The following L3MBTL1 variants were observed in gnomAD, a reference collection of about 807,000 sequenced individuals.
The protein encoded by L3MBTL1 is lethal(3)malignant brain tumor-like protein 1.
In L3MBTL1, 75 loss-of-function variants were observed where a neutral mutation model predicts 105.3. The observed-to-expected ratio is 0.71, with a 90% CI of 0.59 to 0.86. The LOEUF (loss-of-function observed/expected upper bound fraction) is 0.86, where lower values mean the gene tolerates loss of function less well. Ranked by LOEUF, L3MBTL1 falls within the 40% of genes least tolerant of loss-of-function variation. The pLI, the probability that L3MBTL1 is intolerant of heterozygous loss-of-function variation, is 0.00. For missense variants in L3MBTL1, 1,069 were observed against 1,126.4 expected (o/e 0.95, Z 0.73); for synonymous variants, 452 against 436.2 (o/e 1.04, Z -0.45).
intron 9 of L3MBTL1, among the ~76,000 whole-genome samples, chr20:43,529,926 C>T (rs1365244392): frequency 2.0e-5 from 3 of 152,202 alleles, no homozygotes; most frequent in South Asian, 4.1e-4. Flanking sequence ...AGACTGGAAG[C>T]AGAGTGCGAG....
At chr20:43,542,157 C>T (rs898688005), downstream of L3MBTL1, among the ~76,000 whole-genome samples, 4 of 152,228 alleles carry the variant, frequency 2.6e-5, no homozygotes, top group Non-Finnish European at 5.9e-5. Context: ...TTGCAGTGAG[C>T]CGGGATTGCA....
In L3MBTL1 at chr20:43,514,688, G is replaced by T; in HGVS notation, c.414G>T (p.Pro138=). The change falls in exon 4 of 22, where the codon CCG becomes CCT. Residue 138 remains proline, a synonymous_variant. Transcript: ENST00000418998. ...PLNMAGVEQP[P]SPELRQEGVT... ...ACATGGCGGGAGTGGAGCAGCCCCC[G>T]AGCCCCGAGCTGCGGCAGGAAGGCG... is the stretch of plus-strand genomic sequence containing the variant. 1 of 1,587,594 alleles carries T rather than the reference G, an allele frequency of 6.3e-7. No homozygotes were observed. Among genetic ancestry groups the T allele is most frequent in the Non-Finnish European group, 8.6e-7 (1 of 1,167,284 alleles).
chr20:43,527,037 A>G (rs145906657), intron 7 of L3MBTL1, among the ~76,000 whole-genome samples: 207 of 152,316 alleles, frequency 1.4e-3, no homozygotes, highest in Non-Finnish European at 2.4e-3. Context: ...CCTGAGAGAC[A>G]GACCACTCCA....
downstream of L3MBTL1, among the ~76,000 whole-genome samples, chr20:43,543,269 G>C (rs1978343164): frequency 6.6e-6 from 1 of 152,170 alleles, no homozygotes; most frequent in Non-Finnish European, 1.5e-5. Flanking sequence ...TAAGCCTTCT[G>C]TGTCTTTGTC....
At chr20:43,529,448 A>C in intron 9 of L3MBTL1, 80 bp downstream of exon 9, 1 of 949,148 alleles carries the variant, frequency 1.1e-6, no homozygotes, top group Non-Finnish European at 1.7e-6. Context: ...CATAGAAGGA[A>C]ACACCTCCCT....
At position 43,530,803 on chromosome 20, in the gene L3MBTL1, AAGG is replaced by A. The variant is rs762175991; in HGVS notation, c.1207_1209del (p.Glu403del). 1.7e-5 allele frequency: 27 copies of A among 1,613,868 alleles called. No homozygotes were observed. In the Admixed American group the frequency reaches 3.5e-4, roughly 21 times the overall value. On this transcript the variant is annotated inframe_deletion, in exon 11 of 22. Transcript: ENST00000418998. ...ATGCCCCTCGAGGGGCCTAGGTTAC[AAGG>A]AGGAGGAGTTCAGCTGGAGCCAGTA...
Position 43,529,319 on chromosome 20 carries a change from G to A in L3MBTL1, c.1007G>A (p.Gly336Asp), listed in dbSNP as rs1312143585. Reference protein sequence around the residue: ...NGFKLGMKLEGIDPQHPSMYF... With the variant: ...NGFKLGMKLEDIDPQHPSMYF... ...TTCAAACTGGGCATGAAGTTGGAAG[G>A]CATTGACCCTCAACACCCGTCCATG... Residue 336 changes from glycine (G) to aspartate (D), a missense_variant, in exon 9 of 22, where the codon GGC becomes GAC. Transcript: ENST00000418998. 5.0e-6 allele frequency: 8 copies of A among 1,613,420 alleles called. No individual in the cohort carries two copies. The highest frequency in any genetic ancestry group is 5.1e-6 in the Non-Finnish European group (6 of 1,179,788).
rs147476830 is a variant in L3MBTL1 at position 43,534,027 on chromosome 20, C to T, written c.1533C>T (p.Asn511=). 1.8e-5 allele frequency: 29 copies of T among 1,613,924 alleles called. No individual in the cohort carries two copies. In the African/African-American group the frequency reaches 3.5e-4, roughly 19 times the overall value. ...TPPQDYPDPD[N]FCWEKYLEET... ...CTCCAGACTACCCAGACCCTGATAA[C>T]TTCTGTTGGGAGAAATATCTGGAAG... The change falls in exon 14 of 22, where the codon AAC becomes AAT. Residue 511 remains asparagine (N), a synonymous_variant. Coordinates refer to ENST00000418998, the MANE Select transcript of L3MBTL1 (RefSeq NM_001377303.1).
chr20:43,544,479 C>T (rs1432150199), downstream of L3MBTL1, among the ~76,000 whole-genome samples: 1 of 152,206 alleles, frequency 6.6e-6, no homozygotes, highest in East Asian at 1.9e-4. Flanking sequence ...CCCATACCCA[C>T]CAGCACACAG....
In L3MBTL1 at chr20:43,515,094, T is replaced by G; in HGVS notation, c.588T>G (p.Pro196=). 6.2e-7 allele frequency: 1 copy of G among 1,614,170 alleles called. No homozygotes were observed. Among genetic ancestry groups the G allele is most frequent in the Non-Finnish European group, 8.5e-7 (1 of 1,180,000 alleles). ...CCTGTCAGTGCCAGGCGTGCGGGCCTCACCAAGCCGCGGGTCCAGATCTTG... is the reference window on the plus strand; with the variant it reads ...CCTGTCAGTGCCAGGCGTGCGGGCCGCACCAAGCCGCGGGTCCAGATCTTG... The part of the protein sequence containing the change: ...DSTCQCQACG[P]HQAAGPDLGS... The change falls in exon 5 of 22, where the codon CCT becomes CCG. Residue 196 remains proline (P), a synonymous_variant. Coordinates refer to ENST00000418998, the MANE Select transcript of L3MBTL1 (RefSeq NM_001377303.1).
exon 19 of L3MBTL1, chr20:43,548,499 A>G: frequency 4.1e-6 from 1 of 243,342 alleles, no homozygotes; most frequent in Non-Finnish European, 8.1e-6. Flanking sequence ...TTACTCATGG[A>G]GTCAGTTGGA....
chr20:43,534,468 A>T, intron 15 of L3MBTL1, 74 bp downstream of exon 15: 1 of 1,178,216 alleles, frequency 8.5e-7, no homozygotes, highest in Non-Finnish European at 1.3e-6. Flanking sequence ...TTTAGAGGTC[A>T]GGGGCATCAT....
chr20:43,516,128 A>G lies in L3MBTL1; in HGVS notation c.813A>G (p.Gln271=), dbSNP rs1381807477. 6.2e-7 allele frequency: 1 copy of G among 1,614,060 alleles called. No homozygotes were observed. The highest frequency in any genetic ancestry group is 8.5e-7 in the Non-Finnish European group (1 of 1,179,966). The stretch of plus-strand genomic sequence containing the variant: ...AAGAAGGAAAGGACCCAGAGGGACA[A>G]CCCACTGCTAGCACCCCAGAGAGTG... ...KQEEGKDPEG[Q]PTASTPESEE... is the part of the protein sequence containing the mutation. Residue 271 remains glutamine, a synonymous_variant, in exon 7 of 22, where the codon CAA becomes CAG. Coordinates refer to ENST00000418998, the MANE Select transcript of L3MBTL1 (RefSeq NM_001377303.1).
intron 1 of L3MBTL1, among the ~76,000 whole-genome samples, chr20:43,511,071 A>T (rs1276191689): frequency 6.6e-6 from 1 of 151,150 alleles, no homozygotes; most frequent in Non-Finnish European, 1.5e-5. Flanking sequence ...TTTGAGATGG[A>T]GTCTTGCTCT....
chr20:43,541,743 A>G lies in L3MBTL1; in HGVS notation c.*615A>G, dbSNP rs573404986. 1.8e-4 allele frequency: 155 copies of G among 869,362 alleles called. 2 individuals carry two copies. The South Asian group carries it at 6.3e-3, about 35-fold the overall frequency. 53.9% of individuals were successfully genotyped at this position (869,362 alleles called of 1,614,324 possible). On this transcript the variant is annotated 3_prime_UTR_variant, in exon 22 of 22. Coordinates refer to ENST00000418998, the MANE Select transcript of L3MBTL1 (RefSeq NM_001377303.1). Reference sequence around the variant, plus strand: ...ATGGGACCATGGTTTTAAATGTGGAATCATTGACAGAAATGTCTTTATGTA... The same window carrying G: ...ATGGGACCATGGTTTTAAATGTGGAGTCATTGACAGAAATGTCTTTATGTA...
rs2145450365 is a variant in L3MBTL1 at position 43,530,711 on chromosome 20, G to A, written c.1193-87G>A. Reference sequence around the variant, plus strand: ...GGGTTGGGGGGAGGTCCTCAGGCATGCCTGATTCTGCTGCTTCACTGTGGG... The same window carrying A: ...GGGTTGGGGGGAGGTCCTCAGGCATACCTGATTCTGCTGCTTCACTGTGGG... On this transcript the variant is annotated intron_variant, in intron 10 of 21. Coordinates refer to ENST00000418998, the MANE Select transcript of L3MBTL1 (RefSeq NM_001377303.1). The A allele has an allele frequency of 3.2e-6, 4 of 1,267,186 alleles. No individual in the cohort carries two copies. In the African/African-American group the frequency reaches 4.4e-5, roughly 14 times the overall value. The allele number at this position is 1,267,186 out of a possible 1,614,324, so 78.5% of individuals were successfully genotyped here.
intron 6 of L3MBTL1, 112 bp from the exon 7 acceptor site, chr20:43,515,981 T>G: frequency 1.3e-6 from 1 of 754,430 alleles, no homozygotes; most frequent in Non-Finnish European, 2.3e-6. Context: ...TTCTGCCTGT[T>G]TGGGGCAGAA....
intron 14 of L3MBTL1, 30 bp from the exon 15 acceptor site, chr20:43,534,239 CTGCTGAGCTGCGCCT>C: frequency 6.3e-7 from 1 of 1,582,902 alleles, no homozygotes; most frequent in South Asian, 1.1e-5. Context: ...GGGCTCAGCT[CTGCTGAGCTGCGCCT>C]TGCCCTGAAG....
chr20:43,531,225 G>A, intron 11 of L3MBTL1: 1 of 249,788 alleles, frequency 4.0e-6, no homozygotes, highest in Non-Finnish European at 7.7e-6. Context: ...CAGTTCTTTG[G>A]TGTAAGGTCA....
Sources: gnomAD v4.1 joint callset for allele counts (sites outside exome capture counted in the v4.1 genomes callset) on GRCh38, gnomAD v4.1.1 for gene constraint, MANE v1.5 for transcripts, NCBI Gene and HGNC (gene_info 2026-07-23, HGNC 2026-07-21) for gene names.